Variants in CELF2 observed in about 807,000 individuals in gnomAD.
The protein encoded by CELF2 is CUG triplet repeat RNA-binding protein 2.
Under a neutral mutation model 62.6 loss-of-function variants are expected in CELF2, and 8 were observed. The ratio of observed to expected loss-of-function variants is 0.13; its 90% CI spans 0.07 to 0.23. CELF2 has a LOEUF of 0.23. CELF2 is among the 10% of genes least tolerant of loss of function. The pLI, the probability that CELF2 is intolerant of heterozygous loss-of-function variation, is 1.00. For missense variants in CELF2, 333 were observed against 671.0 expected (o/e 0.50, Z 5.56); for synonymous variants, 258 against 250.0 (o/e 1.03, Z -0.30).
At chr10:11,068,150 G>C (rs903484814) in intron 1 of CELF2, among the ~76,000 whole-genome samples, 1 of 152,232 alleles carries the variant, frequency 6.6e-6, no homozygotes, top group Non-Finnish European at 1.5e-5. Flanking sequence ...TGTGTGTCAT[G>C]TCTGATTCCA....
chr10:11,022,878 AAAAC>A (rs1341574055), intron 1 of CELF2, among the ~76,000 whole-genome samples: 3 of 152,228 alleles, frequency 2.0e-5, no homozygotes, highest in Non-Finnish European at 1.5e-5. Flanking sequence ...GACAAAAATG[AAAAC>A]AAACTCTCAT....
At chr10:10,773,652 G>T in the CELF2 span, among the ~76,000 whole-genome samples, 1 of 152,180 alleles carries the variant, frequency 6.6e-6, no homozygotes, top group African/African-American at 2.4e-5. Context: ...AGAATTACCT[G>T]CAGGACTTTT....
At chr10:11,074,147 G>C (rs1316754773) in intron 1 of CELF2, among the ~76,000 whole-genome samples, 1 of 152,032 alleles carries the variant, frequency 6.6e-6, no homozygotes, top group African/African-American at 2.4e-5. Flanking sequence ...TTGCTTTTTT[G>C]ATCAGCAAAA....
chr10:10,835,149 T>C (rs1250950154), intron 1 of CELF2, among the ~76,000 whole-genome samples: 1 of 152,192 alleles, frequency 6.6e-6, no homozygotes, highest in Non-Finnish European at 1.5e-5. Context: ...AGATGTTTTT[T>C]TTAATGTATT....
the CELF2 span, among the ~76,000 whole-genome samples, chr10:10,608,024 A>G: frequency 1.3e-5 from 2 of 152,142 alleles, no homozygotes; most frequent in Admixed American, 6.6e-5. Context: ...CTACTTTGGG[A>G]GGCTAAGGCA....
At chr10:10,850,307 TAAG>T (rs774705687) in intron 1 of CELF2, among the ~76,000 whole-genome samples, 1 of 152,184 alleles carries the variant, frequency 6.6e-6, no homozygotes, top group Non-Finnish European at 1.5e-5. Context: ...TTTTCTCCAG[TAAG>T]AAGATGATTG....
intron 2 of CELF2, among the ~76,000 whole-genome samples, chr10:10,984,250 G>A (rs562604657): frequency 6.6e-6 from 1 of 152,280 alleles, no homozygotes; most frequent in South Asian, 2.1e-4. Context: ...TACTCTAGTG[G>A]CCACCTTCTT....
Position 11,214,835 on chromosome 10 carries a change from C to T in CELF2, c.272-2590C>T, listed in dbSNP as rs1293747534. Among the ~76,000 whole-genome samples, 1 of 152,216 alleles carries T rather than the reference C, an allele frequency of 6.6e-6. No individual in the cohort carries two copies. The highest frequency in any genetic ancestry group is 1.5e-5 in the Non-Finnish European group (1 of 68,040). On this transcript the variant is annotated intron_variant, in intron 2 of 12. Coordinates refer to ENST00000633077, the MANE Select transcript of CELF2 (RefSeq NM_001326342.2). This position sits in a 1 kb window ranked among gnomAD's most constrained non-coding sequence, Gnocchi z 4.2. The stretch of plus-strand genomic sequence containing the variant: ...AGGATCTGTAGTGATAAGTGACTGA[C>T]TTCACCGTACTAGTTGTAAAGGCAG...
chr10:10,487,436 A>G, the CELF2 span, among the ~76,000 whole-genome samples: 1 of 152,190 alleles, frequency 6.6e-6, no homozygotes, highest in African/African-American at 2.4e-5. Flanking sequence ...CTGGTTCTAA[A>G]GCTTTGTACA....
intron 1 of CELF2, among the ~76,000 whole-genome samples, chr10:10,871,721 C>G (rs1008291552): frequency 6.6e-6 from 1 of 152,118 alleles, no homozygotes; most frequent in African/African-American, 2.4e-5. Flanking sequence ...CGTAAAAGAA[C>G]CTGAGACCAC....
chr10:11,122,889 C>G (rs1177371608), intron 1 of CELF2, among the ~76,000 whole-genome samples: 1 of 152,162 alleles, frequency 6.6e-6, no homozygotes, highest in East Asian at 1.9e-4. Context: ...GGCACCTGGT[C>G]TACCATAGAG....
At chr10:10,600,232 G>A in the CELF2 span, among the ~76,000 whole-genome samples, 13 of 152,314 alleles carry the variant, frequency 8.5e-5, no homozygotes, top group Middle Eastern at 6.8e-3. Context: ...CTGCGTGGGC[G>A]TTTGCAAAGC....
chr10:10,809,523 T>G (rs2055618557), intron 1 of CELF2, among the ~76,000 whole-genome samples: 1 of 152,218 alleles, frequency 6.6e-6, no homozygotes, highest in Non-Finnish European at 1.5e-5. Flanking sequence ...AAAATTTCTC[T>G]TTTCCTTAGC....
the CELF2 span, among the ~76,000 whole-genome samples, chr10:10,527,213 G>A: frequency 2.4e-3 from 365 of 152,218 alleles, no homozygotes; most frequent in Admixed American, 9.0e-3. Context: ...AGGCCGAGGC[G>A]GGTGGATAAC....
intron 3 of CELF2, among the ~76,000 whole-genome samples, chr10:11,221,820 G>A (rs926944925): frequency 2.6e-5 from 4 of 152,156 alleles, no homozygotes; most frequent in African/African-American, 9.7e-5. Flanking sequence ...TTTATATTAA[G>A]GAGTTATTGC....
At chr10:10,848,524 A>G (rs1179987559) in intron 1 of CELF2, among the ~76,000 whole-genome samples, 1 of 152,248 alleles carries the variant, frequency 6.6e-6, no homozygotes, top group Non-Finnish European at 1.5e-5. Context: ...TAAGACAGAA[A>G]TCTTTAAATT....
intron 1 of CELF2, among the ~76,000 whole-genome samples, chr10:11,138,871 A>G (rs1280126921): frequency 6.6e-6 from 1 of 152,224 alleles, no homozygotes; most frequent in Non-Finnish European, 1.5e-5. Context: ...TAAGTGGGAA[A>G]GTTGGTGCTT....
At position 10,972,722 on chromosome 10, in the gene CELF2, C is replaced by T. The variant is rs372380716; in HGVS notation, c.89+52723C>T. 9.2e-5 allele frequency among the ~76,000 whole-genome samples: 14 copies of T among 152,264 alleles called. No individual in the cohort carries two copies. Among genetic ancestry groups the T allele is most frequent in the East Asian group, 7.7e-4 (4 of 5,172 alleles). ...TGCTCCTGGGGCACTTCAAACTCAA[C>T]GAGCCTCCAACTCACAAGGTCACGT... On this transcript the variant is annotated intron_variant, in intron 2 of 13. Coordinates refer to the CELF2 transcript ENST00000636488. This position sits in a 1 kb window ranked among gnomAD's most constrained non-coding sequence, Gnocchi z 4.4.
the CELF2 span, among the ~76,000 whole-genome samples, chr10:10,604,349 T>C: frequency 6.6e-6 from 1 of 152,252 alleles, no homozygotes; most frequent in African/African-American, 2.4e-5. Context: ...AAGTTTGATA[T>C]CCACAAAGGA....
Sources: gnomAD v4.1 joint callset for allele counts (sites outside exome capture counted in the v4.1 genomes callset) on GRCh38, gnomAD v4.1.1 for gene constraint, Gnocchi (gnomAD v3.1) non-coding constraint, MANE v1.5 for transcripts, NCBI Gene and HGNC (gene_info 2026-07-23, HGNC 2026-07-21) for gene names.